HS6ST3: variants seen among roughly 807,000 people sequenced by gnomAD.
The protein encoded by HS6ST3 is heparan-sulfate 6-O-sulfotransferase 3.
In HS6ST3, 12 loss-of-function variants were observed where a neutral mutation model predicts 36.7. The ratio of observed to expected loss-of-function variants is 0.33; its 90% CI spans 0.21 to 0.53. The LOEUF is 0.53. Ranked by LOEUF, HS6ST3 falls within the 20% of genes least tolerant of loss-of-function variation. The pLI, the probability that HS6ST3 is intolerant of heterozygous loss-of-function variation, is 0.95. For synonymous variants in HS6ST3, 240 were observed against 257.5 expected, an observed-to-expected ratio of 0.93 and a Z score of 0.65; for missense variants, 584 against 640.9, an observed-to-expected ratio of 0.91 and a Z score of 0.96.
At chr13:96,652,443 A>C (rs2056610687) in intron 1 of HS6ST3, among the ~76,000 whole-genome samples, 1 of 141,324 alleles carries the variant, frequency 7.1e-6, no homozygotes, top group African/African-American at 2.7e-5. Context: ...CCTTCCCTCC[A>C]CTCCTTCTTC....
At chr13:96,226,618 C>A (rs927196840) in intron 1 of HS6ST3, among the ~76,000 whole-genome samples, 5 of 152,072 alleles carry the variant, frequency 3.3e-5, no homozygotes, top group African/African-American at 1.2e-4. Context: ...AATATGTGAA[C>A]CTTCTAACAC....
intron 1 of HS6ST3, among the ~76,000 whole-genome samples, chr13:96,296,865 T>G (rs1052188019): frequency 6.6e-6 from 1 of 152,130 alleles, no homozygotes; most frequent in African/African-American, 2.4e-5. Context: ...TGATAATACT[T>G]TAATTTATTA....
At chr13:96,482,065 A>C (rs1248523503) in intron 1 of HS6ST3, among the ~76,000 whole-genome samples, 1 of 152,164 alleles carries the variant, frequency 6.6e-6, no homozygotes, top group Non-Finnish European at 1.5e-5. Context: ...CTATTGCTGA[A>C]AGTTTCAGCA....
At chr13:96,173,108 A>G (rs1214838552) in intron 1 of HS6ST3, among the ~76,000 whole-genome samples, 1 of 152,228 alleles carries the variant, frequency 6.6e-6, no homozygotes, top group Non-Finnish European at 1.5e-5. Flanking sequence ...AAGAATAGAT[A>G]TACAGAGTCA....
At chr13:96,189,712 C>T (rs910471797) in intron 1 of HS6ST3, among the ~76,000 whole-genome samples, 3 of 152,036 alleles carry the variant, frequency 2.0e-5, no homozygotes, top group Admixed American at 6.6e-5. Context: ...GCCCAGGCTG[C>T]GGGATGACTG....
chr13:96,837,301 A>T lies in HS6ST3; in HGVS notation c.*4103A>T, dbSNP rs1283894719. The stretch of plus-strand genomic sequence containing the variant: ...TTGTGTAGCATTTAATGGTTTTCAG[A>T]ACATTTTTGCATGTGCTGTCTCATT... On this transcript the variant is annotated 3_prime_UTR_variant, in exon 2 of 2. Coordinates refer to ENST00000376705, the MANE Select transcript of HS6ST3 (RefSeq NM_153456.4). 6.6e-6 allele frequency: 1 copy of T among 152,214 alleles called. No individual in the cohort carries two copies. 9.4% of individuals were successfully genotyped at this position (152,214 alleles called of 1,614,324 possible).
At chr13:96,343,890 G>A (rs1171879893) in intron 1 of HS6ST3, among the ~76,000 whole-genome samples, 2 of 152,024 alleles carry the variant, frequency 1.3e-5, no homozygotes, top group Admixed American at 6.6e-5. Flanking sequence ...TTATAGGCGC[G>A]TGCCACTACG....
intron 1 of HS6ST3, among the ~76,000 whole-genome samples, chr13:96,305,765 C>A (rs2054909152): frequency 6.6e-6 from 1 of 151,682 alleles, no homozygotes; most frequent in Non-Finnish European, 1.5e-5. Context: ...CTTGGGCATA[C>A]ATAGTTGGTT....
At chr13:96,321,457 T>C (rs1379081815) in intron 1 of HS6ST3, among the ~76,000 whole-genome samples, 2 of 152,204 alleles carry the variant, frequency 1.3e-5, no homozygotes, top group African/African-American at 2.4e-5. Context: ...TTGTTACTTA[T>C]CATGTGAACT....
chr13:96,708,236 C>G (rs1380216541), intron 1 of HS6ST3, among the ~76,000 whole-genome samples: 1 of 152,174 alleles, frequency 6.6e-6, no homozygotes, highest in Non-Finnish European at 1.5e-5. Context: ...CACTTAGAAG[C>G]CACTTTACCC....
chr13:96,091,781 C>A (rs2053766406), intron 1 of HS6ST3, among the ~76,000 whole-genome samples: 3 of 152,128 alleles, frequency 2.0e-5, no homozygotes, highest in Admixed American at 6.5e-5. Flanking sequence ...CCGCTTCCCG[C>A]CACCCCTCTG....
chr13:96,301,747 A>G (rs1320164873), intron 1 of HS6ST3, among the ~76,000 whole-genome samples: 1 of 151,646 alleles, frequency 6.6e-6, no homozygotes, highest in Non-Finnish European at 1.5e-5. Context: ...CAACAAACAA[A>G]CAAACAAAAA....
chr13:96,276,222 T>A (rs1388648931), intron 1 of HS6ST3, among the ~76,000 whole-genome samples: 1 of 152,150 alleles, frequency 6.6e-6, no homozygotes, highest in Non-Finnish European at 1.5e-5. Context: ...CCCACCATTT[T>A]TCCACTGAGG....
intron 1 of HS6ST3, among the ~76,000 whole-genome samples, chr13:96,392,474 C>T (rs141493355): frequency 3.8e-4 from 58 of 152,210 alleles, no homozygotes; most frequent in African/African-American, 1.3e-3. Flanking sequence ...GAGAACACGA[C>T]CCCATGAGCA....
rs1237328037 is a variant in HS6ST3 at position 96,090,420 on chromosome 13, G to A, written c.-443G>A. Among the ~76,000 whole-genome samples the A allele has an allele frequency of 6.8e-6, 1 of 146,272 alleles. No homozygotes were observed. Among genetic ancestry groups the A allele is most frequent in the African/African-American group, 2.4e-5 (1 of 40,844 alleles). On this transcript the variant is annotated 5_prime_UTR_variant, in exon 1 of 2. Coordinates refer to ENST00000376705, the MANE Select transcript of HS6ST3 (RefSeq NM_153456.4). ...TCGCCCTTGGCCGGCGCCCTGGCGA[G>A]CCTCATGCAGCCCCGGCGCTCGCGG... is the stretch of plus-strand genomic sequence containing the variant.
intron 1 of HS6ST3, among the ~76,000 whole-genome samples, chr13:96,541,588 G>C (rs887355882): frequency 6.6e-6 from 1 of 152,156 alleles, no homozygotes; most frequent in Non-Finnish European, 1.5e-5. Context: ...AACGTATATA[G>C]TGCCTGGGAG....
rs2053757332 is a variant in HS6ST3, at chr13:96,090,799, G to A, written c.-64G>A. ...CCCGGAGTCCGCGAAACTTCCGAGCGGGCGCCCGTCCGCCCTGCCGCCGCC... is the reference window on the plus strand; with the variant it reads ...CCCGGAGTCCGCGAAACTTCCGAGCAGGCGCCCGTCCGCCCTGCCGCCGCC... On this transcript the variant is annotated 5_prime_UTR_variant, in exon 1 of 2. Coordinates refer to ENST00000376705, the MANE Select transcript of HS6ST3 (RefSeq NM_153456.4). 34 of 1,351,102 alleles carry A rather than the reference G, an allele frequency of 2.5e-5. No homozygotes were observed. The highest frequency in any genetic ancestry group is 3.1e-5 in the African/African-American group (2 of 65,216). 83.7% of individuals were successfully genotyped at this position (1,351,102 alleles called of 1,614,324 possible). A position where few individuals can be genotyped will look rare whatever the true frequency, so the allele number is the denominator to read the frequency against.
At chr13:96,432,878 A>T (rs1021315861) in intron 1 of HS6ST3, among the ~76,000 whole-genome samples, 5 of 152,232 alleles carry the variant, frequency 3.3e-5, no homozygotes, top group Non-Finnish European at 5.9e-5. Flanking sequence ...CAATAAAACC[A>T]TAAAGACAAT....
chr13:96,794,855 C>A lies in HS6ST3; in HGVS notation c.708-37635C>A, dbSNP rs540535537. On this transcript the variant is annotated intron_variant, in intron 1 of 1. Coordinates refer to ENST00000376705, the MANE Select transcript of HS6ST3 (RefSeq NM_153456.4). Reference sequence around the variant, plus strand: ...TTCTAACCAGCTGTGTATTTCTGTTCCAGCTGACTGACAGCACAAAGAAAA... The same window carrying A: ...TTCTAACCAGCTGTGTATTTCTGTTACAGCTGACTGACAGCACAAAGAAAA... Among the ~76,000 whole-genome samples the A allele has an allele frequency of 2.0e-5, 3 of 152,138 alleles. No homozygotes were observed. The East Asian group carries it at 5.8e-4, about 29-fold the overall frequency.
Sources: gnomAD v4.1 joint callset for allele counts (sites outside exome capture counted in the v4.1 genomes callset) on GRCh38, gnomAD v4.1.1 for gene constraint, MANE v1.5 for transcripts, NCBI Gene and HGNC (gene_info 2026-07-23, HGNC 2026-07-21) for gene names.